The following AP1AR variants were observed in gnomAD, a reference collection of about 807,000 sequenced individuals.
AP1AR encodes adaptor related protein complex 1 associated regulatory protein.
AP1AR carries 29 observed loss-of-function variants against 46.3 expected under a neutral mutation model. The observed-to-expected ratio is 0.63, with a 90% CI of 0.47 to 0.85. The LOEUF (loss-of-function observed/expected upper bound fraction) is 0.85, where lower values mean the gene tolerates loss of function less well. Ranked by LOEUF, AP1AR falls within the 40% of genes least tolerant of loss-of-function variation. The pLI is 0.00. For synonymous variants in AP1AR, 122 were observed against 122.9 expected (o/e 0.99, Z 0.05); for missense variants, 357 against 356.3 (o/e 1.00, Z -0.02).
At chr4:112,264,918 G>GA (rs200229785) in intron 6 of AP1AR, 91 bp from the exon 7 acceptor site, 1 of 963,040 alleles carries the variant, frequency 1.0e-6, no homozygotes, top group Non-Finnish European at 1.5e-6. Context: ...TTAGAAACTA[G>GA]AAAAAAATAC....
rs370950299 is a variant in AP1AR at position 112,261,544 on chromosome 4, TATAATC to T, written c.282+687_282+692del. On this transcript the variant is annotated intron_variant, in intron 5 of 9. Coordinates refer to ENST00000274000, the MANE Select transcript of AP1AR (RefSeq NM_018569.6). ...ATTTGTTCTCAGAGAACCAAGTACT[TATAATC>T]ATAAGTGTTAAAGTTATTTAATGTG... 3.2e-3 allele frequency among the ~76,000 whole-genome samples: 490 copies of T among 152,346 alleles called. 4 individuals carry two copies. The highest frequency in any genetic ancestry group is 0.011 in the African/African-American group (460 of 41,572).
At chr4:112,255,106 C>T (rs1490162872) in intron 3 of AP1AR, among the ~76,000 whole-genome samples, 3 of 151,878 alleles carry the variant, frequency 2.0e-5, no homozygotes, top group Non-Finnish European at 4.4e-5. Context: ...ACTACAGGCG[C>T]CCGCCACTAC....
chr4:112,241,079 T>C lies in AP1AR; in HGVS notation c.83+8905T>C, dbSNP rs143738040. 2.8e-3 allele frequency among the ~76,000 whole-genome samples: 434 copies of C among 152,302 alleles called. 3 individuals are homozygous for C. The highest frequency in any genetic ancestry group is 0.01 in the African/African-American group (428 of 41,570). On this transcript the variant is annotated intron_variant, in intron 1 of 9. Transcript: ENST00000274000. ...TTTAAATCAGGCTCTTAAAAGGCAA[T>C]AACTGTTTTTTAAACCCTTGCATTA... is the stretch of plus-strand genomic sequence containing the variant.
intron 1 of AP1AR, among the ~76,000 whole-genome samples, chr4:112,247,502 TC>T (rs1725774730): frequency 6.6e-6 from 1 of 152,202 alleles, no homozygotes. Context: ...TTCCCAGGCT[TC>T]CTCATCTTGG....
intron 9 of AP1AR, 70 bp from the exon 10 acceptor site, chr4:112,268,074 A>T (rs2110496294): frequency 1.4e-6 from 2 of 1,421,604 alleles, no homozygotes; most frequent in Middle Eastern, 1.9e-4. Context: ...TACATTGCTA[A>T]ATTTGGGAGT....
At chr4:112,256,121 A>AT (rs1726190302) in intron 3 of AP1AR, among the ~76,000 whole-genome samples, 1 of 152,224 alleles carries the variant, frequency 6.6e-6, no homozygotes, top group Non-Finnish European at 1.5e-5. Context: ...AAAGATTGAG[A>AT]TAAACTATTG....
At position 112,260,838 on chromosome 4, in the gene AP1AR, T is replaced by A; in HGVS notation, c.258T>A (p.Asp86Glu). The A allele has an allele frequency of 1.2e-6, 2 of 1,600,376 alleles. No homozygotes were observed. The highest frequency in any genetic ancestry group is 1.7e-6 in the Non-Finnish European group (2 of 1,172,952). ...HYDSIAEKQK[D>E]LDKKIQKELA... The stretch of plus-strand genomic sequence containing the variant: ...ATTCCATTGCCGAAAAACAAAAAGA[T>A]CTTGATAAGAAAATTCAAAAAGAGG... The change falls in exon 5 of 10, where the codon GAT becomes GAA. Residue 86 changes from aspartate to glutamate, a missense_variant. Physicochemically the swap from Asp to Glu is conservative, Grantham distance 45. Coordinates refer to ENST00000274000, the MANE Select transcript of AP1AR (RefSeq NM_018569.6).
chr4:112,253,098 TGTTAGAGATTTTAAA>T (rs1362716765), intron 1 of AP1AR, 95 bp from the exon 2 acceptor site: 155 of 718,338 alleles, frequency 2.2e-4, no homozygotes, highest in Non-Finnish European at 2.9e-4. Context: ...TATAACTATA[TGTTAGAGATTTTAAA>T]GTTGCTCTTG....
chr4:112,232,018 A>T lies in AP1AR; in HGVS notation c.-74A>T. On this transcript the variant is annotated 5_prime_UTR_variant, in exon 1 of 10. The change abolishes an upstream ATG in the 5' untranslated region. Transcript: ENST00000274000. Reference sequence around the variant, plus strand: ...CCCCATTTCGGCTCGTGCCGTGCGGATGCAGCTGCCGGGCCTGGGTTTGGG... The same window carrying T: ...CCCCATTTCGGCTCGTGCCGTGCGGTTGCAGCTGCCGGGCCTGGGTTTGGG... 1 of 1,271,196 alleles carries T rather than the reference A, an allele frequency of 7.9e-7. No individual in the cohort carries two copies. Among genetic ancestry groups the T allele is most frequent in the Non-Finnish European group, 1.0e-6 (1 of 990,670 alleles). 78.7% of individuals were successfully genotyped at this position (1,271,196 alleles called of 1,614,324 possible). A position where few individuals can be genotyped will look rare whatever the true frequency, so the allele number is the denominator to read the frequency against.
chr4:112,259,456 T>G (rs1726346854), intron 4 of AP1AR, among the ~76,000 whole-genome samples: 2 of 152,310 alleles, frequency 1.3e-5, no homozygotes, highest in Middle Eastern at 3.4e-3. Flanking sequence ...AGGGTTGTTG[T>G]GAGGATTACA....
At chr4:112,240,476 G>T (rs1725443963) in intron 1 of AP1AR, among the ~76,000 whole-genome samples, 1 of 152,230 alleles carries the variant, frequency 6.6e-6, no homozygotes, top group Non-Finnish European at 1.5e-5. Context: ...CAATAAAAAG[G>T]AAGGAGTTTA....
chr4:112,239,466 TTC>T (rs1460554014), intron 1 of AP1AR, among the ~76,000 whole-genome samples: 1 of 152,140 alleles, frequency 6.6e-6, no homozygotes, highest in Non-Finnish European at 1.5e-5. Flanking sequence ...CCTTCAAAAC[TTC>T]TGTTAGACTC....
At chr4:112,240,403 G>A (rs1487714664) in intron 1 of AP1AR, among the ~76,000 whole-genome samples, 1 of 152,128 alleles carries the variant, frequency 6.6e-6, no homozygotes, top group Non-Finnish European at 1.5e-5. Flanking sequence ...TTCTGTGCAT[G>A]TTCTTAGTTT....
rs151091617 is a variant in AP1AR at position 112,249,842 on chromosome 4, G to A, written c.84-3366G>A. ...GGGAATACTTAGCCACTGTTGATGG[G>A]AATGTGAATTAGTACAAATTTCATG... On this transcript the variant is annotated intron_variant, in intron 1 of 9. Transcript: ENST00000274000. Among the ~76,000 whole-genome samples the A allele has an allele frequency of 2.2e-3, 328 of 152,244 alleles. 3 individuals are homozygous for A. Among genetic ancestry groups the A allele is most frequent in the African/African-American group, 7.6e-3 (317 of 41,540 alleles).
chr4:112,266,212 C>T (rs1198525307), intron 8 of AP1AR, among the ~76,000 whole-genome samples: 2 of 151,770 alleles, frequency 1.3e-5, no homozygotes, highest in African/African-American at 2.4e-5. Context: ...CTTCCCAATA[C>T]TGGAAGCATA....
chr4:112,268,753 A>G lies in AP1AR; in HGVS notation c.*344A>G, dbSNP rs1726821579. The G allele has an allele frequency of 5.8e-6, 1 of 171,208 alleles. No individual in the cohort carries two copies. Among genetic ancestry groups the G allele is most frequent in the Non-Finnish European group, 1.2e-5 (1 of 81,200 alleles). 10.6% of individuals were successfully genotyped at this position (171,208 alleles called of 1,614,324 possible). A position where few individuals can be genotyped will look rare whatever the true frequency, so the allele number is the denominator to read the frequency against. On this transcript the variant is annotated 3_prime_UTR_variant, in exon 10 of 10. Transcript: ENST00000274000. ...TTACTTTGAATGATTTATGAAGCCTATTTCATTGTCTAACTATGAAAATAT... is the reference window on the plus strand; with the variant it reads ...TTACTTTGAATGATTTATGAAGCCTGTTTCATTGTCTAACTATGAAAATAT...
At chr4:112,245,769 A>T (rs1725702634) in intron 1 of AP1AR, among the ~76,000 whole-genome samples, 2 of 152,216 alleles carry the variant, frequency 1.3e-5, no homozygotes, top group Admixed American at 1.3e-4. Context: ...TTATATTAAT[A>T]GCTTGTTATG....
At chr4:112,239,841 G>A (rs1297068528) in intron 1 of AP1AR, among the ~76,000 whole-genome samples, 1 of 152,242 alleles carries the variant, frequency 6.6e-6, no homozygotes, top group Admixed American at 6.5e-5. Flanking sequence ...CATGTGGTCA[G>A]AGACTTTGTT....
At chr4:112,256,527 T>G (rs78225134) in intron 3 of AP1AR, among the ~76,000 whole-genome samples, 2 of 152,232 alleles carry the variant, frequency 1.3e-5, no homozygotes, top group Non-Finnish European at 2.9e-5. Flanking sequence ...GATTTTTTAA[T>G]TTTTGTTTTT....
Sources: allele counts gnomAD v4.1 joint callset (sites outside exome capture counted in the v4.1 genomes callset), GRCh38; gene constraint gnomAD v4.1.1; transcripts MANE v1.5; gene names NCBI Gene and HGNC (gene_info 2026-07-23, HGNC 2026-07-21).